DPYS: variants seen among roughly 807,000 people sequenced by gnomAD.
DPYS encodes dihydropyrimidine amidohydrolase.
A neutral mutation model predicts 50.3 loss-of-function variants in DPYS; 39 were observed. The ratio of observed to expected loss-of-function variants is 0.78; its 90% confidence interval spans 0.60 to 1.01. The LOEUF (loss-of-function observed/expected upper bound fraction) is 1.01. Among genes scored for constraint, DPYS ranks in the 50% least tolerant of loss-of-function variants. The pLI is 0.00. For missense variants in DPYS, 659 were observed against 680.9 expected (o/e 0.97, Z 0.36); for synonymous variants, 245 against 250.7 (o/e 0.98, Z 0.22).
intron 7 of DPYS, among the ~76,000 whole-genome samples, chr8:104,417,419 G>A (rs1812404106): frequency 6.6e-6 from 1 of 152,158 alleles, no homozygotes; most frequent in Non-Finnish European, 1.5e-5. Context: ...TTTTTAACAA[G>A]TTGGCCAATT....
At chr8:104,391,423 C>T (rs1442671549) in intron 8 of DPYS, among the ~76,000 whole-genome samples, 2 of 152,176 alleles carry the variant, frequency 1.3e-5, no homozygotes, top group African/African-American at 4.8e-5. Context: ...CCAGAAATAC[C>T]TCCTAGCTAG....
At chr8:104,393,411 G>A (rs1222749149) in intron 7 of DPYS, among the ~76,000 whole-genome samples, 1 of 151,952 alleles carries the variant, frequency 6.6e-6, no homozygotes, top group Non-Finnish European at 1.5e-5. Flanking sequence ...GATACAATGG[G>A]GGCTTCTTCA....
At chr8:104,451,550 C>G in intron 1 of DPYS, 146 bp from the exon 2 acceptor site, 4 of 937,318 alleles carry the variant, frequency 4.3e-6, no homozygotes, top group South Asian at 2.9e-5. Context: ...TTTAAATGAC[C>G]CAGAAGGGCA....
chr8:104,429,799 G>A, intron 4 of DPYS, 98 bp from the exon 5 acceptor site: 1 of 1,463,070 alleles, frequency 6.8e-7, no homozygotes, highest in Non-Finnish European at 9.5e-7. Flanking sequence ...CCTAGCAGAG[G>A]GTAATATCTA....
At chr8:104,437,611 C>T (rs1813195746) in intron 4 of DPYS, among the ~76,000 whole-genome samples, 1 of 152,176 alleles carries the variant, frequency 6.6e-6, no homozygotes. Flanking sequence ...TAATCCACCC[C>T]TTATTTAGCA....
At position 104,431,183 on chromosome 8, in the gene DPYS, A is replaced by C. The variant is rs117556304; in HGVS notation, c.794-1482T>G. ...TTATCATTGAGGAAAGATCCTTATC[A>C]CATGTTCTATTCAATCACTTGGCCC... On this transcript the variant is annotated intron_variant, in intron 4 of 9. Transcript: ENST00000351513. Among the ~76,000 whole-genome samples the C allele has an allele frequency of 8.1e-4, 123 of 152,266 alleles. 2 individuals are homozygous for C. In the East Asian group the frequency reaches 0.02, roughly 25 times the overall value.
At position 104,445,653 on chromosome 8, in the gene DPYS, AG is replaced by A. The variant is rs1292921420; in HGVS notation, c.604-1217del. On this transcript the variant is annotated intron_variant, in intron 3 of 9. Transcript: ENST00000351513. ...AGTGGGGAGGGATGGCGGTGGGGAG[AG>A]GGGGGAAGGTAGGGATGGTTTGTGT... is the stretch of plus-strand genomic sequence containing the variant. Among the ~76,000 whole-genome samples, 19 of 150,918 alleles carry A rather than the reference AG, an allele frequency of 1.3e-4. 2 individuals are homozygous for A. The highest frequency in any genetic ancestry group is 1.1e-3 in the Admixed American group (17 of 15,152).
chr8:104,457,584 A>G (rs1813970691), intron 1 of DPYS, among the ~76,000 whole-genome samples: 1 of 152,190 alleles, frequency 6.6e-6, no homozygotes, highest in Non-Finnish European at 1.5e-5. Flanking sequence ...TTGTTTCACT[A>G]AAATCCATCA....
chr8:104,427,200 C>CA (rs1269273453), intron 6 of DPYS, among the ~76,000 whole-genome samples: 1,256 of 57,284 alleles, frequency 0.022, 27 homozygotes, highest in African/African-American at 0.048. Flanking sequence ...GACTCCGTCT[C>CA]AAAAAAAAAA....
chr8:104,401,299 ATT>A (rs1235092404), intron 7 of DPYS, among the ~76,000 whole-genome samples: 1 of 147,022 alleles, frequency 6.8e-6, no homozygotes, highest in Non-Finnish European at 1.5e-5. Context: ...TATTATTATT[ATT>A]ATTATTATTA....
At chr8:104,420,381 C>T (rs2669420) in intron 7 of DPYS, 151,696 of 152,288 alleles carry the variant, frequency 1, 75,563 homozygotes, top group Middle Eastern at 1. Flanking sequence ...TCGACCCAGA[C>T]AAGGGCTCAG....
chr8:104,466,977 G>C lies in DPYS; in HGVS notation c.-57C>G. 1 of 1,342,754 alleles carries C rather than the reference G, an allele frequency of 7.4e-7. No homozygotes were observed. Among genetic ancestry groups the C allele is most frequent in the Non-Finnish European group, 9.6e-7 (1 of 1,045,200 alleles). The allele number at this position is 1,342,754 out of a possible 1,614,324, so 83.2% of individuals were successfully genotyped here. A position where few individuals can be genotyped will look rare whatever the true frequency, so the allele number is the denominator to read the frequency against. Reference sequence around the variant, plus strand: ...GGGCTGCGCGCAGGGGCTGGGTTGGGCGGGCCGGGCGGGCTTGGGGTGCCC... The same window carrying C: ...GGGCTGCGCGCAGGGGCTGGGTTGGCCGGGCCGGGCGGGCTTGGGGTGCCC... On this transcript the variant is annotated 5_prime_UTR_variant, in exon 1 of 10. Coordinates refer to ENST00000351513, the MANE Select transcript of DPYS (RefSeq NM_001385.3).
intron 4 of DPYS, among the ~76,000 whole-genome samples, chr8:104,432,606 G>C (rs756067750): frequency 1.3e-5 from 2 of 152,184 alleles, no homozygotes; most frequent in Non-Finnish European, 2.9e-5. Flanking sequence ...CATTTACAAA[G>C]GAAGAAAAGA....
At chr8:104,395,343 G>T (rs969908010) in intron 7 of DPYS, among the ~76,000 whole-genome samples, 5 of 152,096 alleles carry the variant, frequency 3.3e-5, no homozygotes, top group Admixed American at 1.3e-4. Context: ...CAATAAAAAT[G>T]ACCTTCTGGT....
chr8:104,393,017 G>A lies in DPYS; in HGVS notation c.1236-26C>T. 4 of 1,606,282 alleles carry A rather than the reference G, an allele frequency of 2.5e-6. No homozygotes were observed. In the South Asian group the frequency reaches 4.4e-5, roughly 18 times the overall value. Reference sequence around the variant, plus strand: ...CTATATTTGTGAAAACAACAAAAAAGTTCTGGATCATCACCAGCTCACTTG... The same window carrying A: ...CTATATTTGTGAAAACAACAAAAAAATTCTGGATCATCACCAGCTCACTTG... On this transcript the variant is annotated intron_variant, in intron 7 of 9. Coordinates refer to ENST00000351513, the MANE Select transcript of DPYS (RefSeq NM_001385.3).
chr8:104,441,439 T>C (rs567366891), intron 4 of DPYS, among the ~76,000 whole-genome samples: 1 of 152,320 alleles, frequency 6.6e-6, no homozygotes, highest in African/African-American at 2.4e-5. Flanking sequence ...AAGGGATTAA[T>C]AGATATGATT....
intron 1 of DPYS, among the ~76,000 whole-genome samples, chr8:104,458,339 C>T (rs775861575): frequency 3.3e-5 from 5 of 152,230 alleles, no homozygotes; most frequent in Non-Finnish European, 5.9e-5. Flanking sequence ...TCCCTCTCAA[C>T]TCATTCACTC....
At chr8:104,428,828 TTC>T (rs1374203697) in intron 5 of DPYS, among the ~76,000 whole-genome samples, 1 of 82,478 alleles carries the variant, frequency 1.2e-5, no homozygotes, top group African/African-American at 4.8e-5. Context: ...GAATTTTCTT[TTC>T]TCTTTTCTTT....
At chr8:104,385,034 G>A (rs994911977) in intron 8 of DPYS, among the ~76,000 whole-genome samples, 2 of 152,070 alleles carry the variant, frequency 1.3e-5, no homozygotes, top group African/African-American at 2.4e-5. Context: ...TAAGACTCAC[G>A]GTTTTAAATC....
Sources: allele counts gnomAD v4.1 joint callset (sites outside exome capture counted in the v4.1 genomes callset), GRCh38; gene constraint gnomAD v4.1.1; transcripts MANE v1.5; gene names NCBI Gene and HGNC (gene_info 2026-07-23, HGNC 2026-07-21).